Variants in CEP350 observed in about 807,000 individuals in gnomAD.
The protein encoded by CEP350 is centrosome-associated protein 350.
In CEP350, 126 loss-of-function variants were observed where a neutral mutation model predicts 331.8. The observed-to-expected ratio is 0.38, with a 90% CI of 0.33 to 0.44. The LOEUF is 0.44. CEP350 is among the 20% of genes least tolerant of loss of function. CEP350 has a pLI of 1.00. For missense variants in CEP350, 3,406 were observed against 3,634.6 expected (o/e 0.94, Z 1.62); for synonymous variants, 1,200 against 1,259.5 (o/e 0.95, Z 1.00).
chr1:180,021,195 T>C (rs879910499), intron 12 of CEP350, among the ~76,000 whole-genome samples, 186 bp downstream of exon 12: 1 of 152,236 alleles, frequency 6.6e-6, no homozygotes, highest in Admixed American at 6.5e-5. Flanking sequence ...TAATTTAATC[T>C]TTAAAATTTC....
At chr1:179,974,913 C>T (rs1452528768) in intron 1 of CEP350, among the ~76,000 whole-genome samples, 1 of 152,054 alleles carries the variant, frequency 6.6e-6, no homozygotes, top group East Asian at 1.9e-4. Flanking sequence ...ATCGCTTGAG[C>T]CCACGAGTTT....
intron 27 of CEP350, among the ~76,000 whole-genome samples, chr1:180,071,912 G>A (rs74682335): frequency 0.083 from 12,683 of 152,214 alleles, 705 homozygotes; most frequent in Non-Finnish European, 0.12. Context: ...ACCATCAGAG[G>A]ACTTGTTGGG....
Position 180,003,282 on chromosome 1 carries a change from T to C in CEP350, c.1127T>C (p.Phe376Ser). ...RELYRDLALH[F>S]ADDISIKEKP... ...CTGTATCGAGATTTAGCACTTCACT[T>C]TGCAGGTGAGAATAGAGCTTTCTTA... The change falls in exon 7 of 38, where the codon TTT becomes TCT. Residue 376 changes from phenylalanine (F) to serine (S), a missense_variant. Phe to Ser is a radical substitution (Grantham distance 155). Transcript: ENST00000367607. 6.3e-7 allele frequency: 1 copy of C among 1,598,708 alleles called. No homozygotes were observed. Among genetic ancestry groups the C allele is most frequent in the African/African-American group, 1.3e-5 (1 of 74,736 alleles).
At chr1:179,975,052 C>G (rs879461208) in intron 1 of CEP350, among the ~76,000 whole-genome samples, 9 of 151,638 alleles carry the variant, frequency 5.9e-5, no homozygotes, top group Admixed American at 5.9e-4. Flanking sequence ...CAGAGAAGTA[C>G]TAATTGAAGT....
At chr1:180,042,928 A>G (rs1316616952) in intron 19 of CEP350, 128 bp from the exon 20 acceptor site, 2 of 938,338 alleles carry the variant, frequency 2.1e-6, no homozygotes, top group African/African-American at 1.7e-5. Flanking sequence ...ACAGTATTTC[A>G]TCTATTAGTG....
In CEP350 at chr1:180,096,030, C is replaced by T. The variant is rs1660463016; in HGVS notation, c.8920-8C>T. On this transcript the variant is annotated splice_polypyrimidine_tract_variant and splice_region_variant and intron_variant, in intron 35 of 37. Coordinates refer to ENST00000367607, the MANE Select transcript of CEP350 (RefSeq NM_014810.5). ...TTGTTTTGTTTTGTTTTGTTTTTCT[C>T]TATCAAGGCGGTTTTTGATTTAACA... The T allele has an allele frequency of 3.9e-6, 6 of 1,549,090 alleles. No individual in the cohort carries two copies. In the South Asian group the frequency reaches 7.2e-5, roughly 19 times the overall value.
At chr1:180,107,436 G>A in intron 37 of CEP350, among the ~76,000 whole-genome samples, 1 of 152,108 alleles carries the variant, frequency 6.6e-6, no homozygotes, top group Non-Finnish European at 1.5e-5. Context: ...TGGGAGGCCG[G>A]GGCAGATGGA....
intron 37 of CEP350, among the ~76,000 whole-genome samples, chr1:180,107,146 A>T (rs552071020): frequency 6.6e-6 from 1 of 152,216 alleles, no homozygotes; most frequent in Non-Finnish European, 1.5e-5. Flanking sequence ...TATGCCATAT[A>T]TTTATATAGC....
At position 180,093,650 on chromosome 1, in the gene CEP350, C is replaced by G. The variant is rs778448089; in HGVS notation, c.7545C>G (p.Phe2515Leu). Residue 2515 changes from phenylalanine (F) to leucine (L), a missense_variant, in exon 34 of 38, where the codon TTC (phenylalanine) becomes TTG (leucine). Around this residue, in one of 5 missense-constraint regions of CEP350, gnomAD observed 1,415 missense variants for 1,512.3 expected, o/e 0.94. Coordinates refer to ENST00000367607, the MANE Select transcript of CEP350 (RefSeq NM_014810.5). Reference protein sequence around the residue: ...IGNVQPGILRFKGETSFAKGF... With the variant: ...IGNVQPGILRLKGETSFAKGF... ...ATGTTCAGCCAGGAATTCTTCGATT[C>G]AAAGGTGAGACTAGTTTTGCTAAAG... is the stretch of plus-strand genomic sequence containing the variant. 6.2e-7 allele frequency: 1 copy of G among 1,613,874 alleles called. No homozygotes were observed. Among genetic ancestry groups the G allele is most frequent in the East Asian group, 2.2e-5 (1 of 44,876 alleles).
chr1:179,970,908 GT>G (rs1205881612), intron 1 of CEP350, among the ~76,000 whole-genome samples: 2 of 152,082 alleles, frequency 1.3e-5, no homozygotes, highest in Non-Finnish European at 2.9e-5. Context: ...AAAAGATTTT[GT>G]TCATGTGGGA....
intron 16 of CEP350, among the ~76,000 whole-genome samples, chr1:180,034,761 C>A (rs1656243293): frequency 6.6e-6 from 1 of 152,114 alleles, no homozygotes; most frequent in Non-Finnish European, 1.5e-5. Context: ...GCTCCACCAA[C>A]TCACCCCGTT....
rs368555585 is a variant in CEP350, at chr1:180,093,577, C to T, written c.7472C>T (p.Ala2491Val). The change falls in exon 34 of 38, where the codon GCA becomes GTA. Residue 2491 changes from alanine (A) to valine (V), a missense_variant. This residue lies in a region of CEP350 where 1,415 missense variants were observed against 1,512.3 expected (regional missense o/e 0.94). Coordinates refer to ENST00000367607, the MANE Select transcript of CEP350 (RefSeq NM_014810.5). ...ESPSLASVPT[A>V]DELFDFHIGD... ...CCTTCCTTGGCTTCAGTTCCTACTG[C>T]AGACGAGTTATTTGATTTCCACATT... is the stretch of plus-strand genomic sequence containing the variant. 1 of 1,613,912 alleles carries T rather than the reference C, an allele frequency of 6.2e-7. No individual in the cohort carries two copies. Among genetic ancestry groups the T allele is most frequent in the Non-Finnish European group, 8.5e-7 (1 of 1,179,830 alleles).
At chr1:179,999,002 G>T (rs531745859) in intron 6 of CEP350, among the ~76,000 whole-genome samples, 4 of 151,778 alleles carry the variant, frequency 2.6e-5, no homozygotes, top group African/African-American at 9.7e-5. Context: ...CTAGTCATTC[G>T]TGTATCACAT....
chr1:180,094,007 A>G lies in CEP350; in HGVS notation c.7902A>G (p.Lys2634=). 6.2e-7 allele frequency: 1 copy of G among 1,613,878 alleles called. No individual in the cohort carries two copies. The highest frequency in any genetic ancestry group is 8.5e-7 in the Non-Finnish European group (1 of 1,179,836). ...EASVNRSRSL[K]IETDNVQDIS... ...CAGTTAATAGAAGTAGAAGCCTTAAAATAGAAACAGACAATGTACAGGACA... is the reference window on the plus strand; with the variant it reads ...CAGTTAATAGAAGTAGAAGCCTTAAGATAGAAACAGACAATGTACAGGACA... The change falls in exon 34 of 38, where the codon AAA becomes AAG. Residue 2634 remains lysine, a synonymous_variant. Transcript: ENST00000367607.
rs76506087 is a variant in CEP350 at position 180,101,351 on chromosome 1, T to C, written c.9189+2366T>C. ...CTAATTATTAACAAGAAATGCTAAA[T>C]GAACTAGTCTCCTCTCCCATAATTA... On this transcript the variant is annotated intron_variant, in intron 37 of 37. Transcript: ENST00000367607. 3.8e-3 allele frequency among the ~76,000 whole-genome samples: 583 copies of C among 152,244 alleles called. 23 individuals are homozygous for C. The highest frequency in any genetic ancestry group is 0.03 in the East Asian group (155 of 5,180).
intron 6 of CEP350, among the ~76,000 whole-genome samples, chr1:180,001,633 G>C (rs1235556509): frequency 2.6e-5 from 4 of 152,190 alleles, no homozygotes; most frequent in Admixed American, 1.3e-4. Context: ...AAGGTTTCTT[G>C]AGAAATTGAA....
At chr1:180,075,941 G>A (rs577008321) in intron 28 of CEP350, among the ~76,000 whole-genome samples, 24 of 151,448 alleles carry the variant, frequency 1.6e-4, no homozygotes, top group African/African-American at 5.8e-4. Flanking sequence ...TGGCAACAGC[G>A]AGACTCCGTA....
chr1:179,958,625 G>A (rs983340063), intron 1 of CEP350, among the ~76,000 whole-genome samples: 6 of 152,150 alleles, frequency 3.9e-5, no homozygotes, highest in Non-Finnish European at 8.8e-5. Flanking sequence ...TTCTAGCTGT[G>A]ACTCTTGGCG....
At chr1:180,018,833 C>T (rs925085381) in intron 11 of CEP350, among the ~76,000 whole-genome samples, 2 of 150,208 alleles carry the variant, frequency 1.3e-5, no homozygotes, top group African/African-American at 4.9e-5. Context: ...AGGACAAAGC[C>T]TCATGTTCGT....
Sources: allele counts gnomAD v4.1 joint callset (sites outside exome capture counted in the v4.1 genomes callset), GRCh38; gene constraint gnomAD v4.1.1; regional missense constraint gnomAD v4.1.1; transcripts MANE v1.5; gene names NCBI Gene and HGNC (gene_info 2026-07-23, HGNC 2026-07-21).